Variants in ADAMTS7 observed in about 807,000 individuals in gnomAD.
ADAMTS7 encodes A disintegrin and metalloproteinase with thrombospondin motifs 7.
Under a neutral mutation model 172.6 loss-of-function variants are expected in ADAMTS7, and 89 were observed. The observed-to-expected ratio is 0.52, with a 90% CI of 0.43 to 0.61. The LOEUF is 0.61. Ranked by LOEUF, ADAMTS7 falls within the 20% of genes least tolerant of loss-of-function variation. The pLI, the probability that ADAMTS7 is intolerant of heterozygous loss-of-function variation, is 0.00. For synonymous variants in ADAMTS7, 885 were observed against 978.4 expected (o/e 0.90, Z 1.78); for missense variants, 1,973 against 2,355.6 (o/e 0.84, Z 3.36).
chr15:78,802,929 G>C (rs2141525692), intron 1 of ADAMTS7, among the ~76,000 whole-genome samples: 1 of 152,110 alleles, frequency 6.6e-6, no homozygotes, highest in South Asian at 2.1e-4. Flanking sequence ...CCTGGGAGGT[G>C]GAGGTTGTAG....
rs1199608907 is a variant in ADAMTS7 at position 78,766,540 on chromosome 15, ACCC to A, written c.3368_3370del (p.Gly1123del). On this transcript the variant is annotated inframe_deletion, in exon 19 of 24. Transcript: ENST00000388820. Reference sequence around the variant, plus strand: ...AGGGCTCGGGGACCAAGGTCCCAGTACCCCCTCCTCCTTGGCTGCAGGAGGCTC... The same window carrying A: ...AGGGCTCGGGGACCAAGGTCCCAGTACCTCCTCCTTGGCTGCAGGAGGCTC... 6.4e-7 allele frequency: 1 copy of A among 1,558,982 alleles called. No homozygotes were observed. The highest frequency in any genetic ancestry group is 8.7e-7 in the Non-Finnish European group (1 of 1,144,806).
At chr15:78,764,533 T>A (rs2055107817) in intron 20 of ADAMTS7, 22 bp downstream of exon 20, 1 of 1,535,186 alleles carries the variant, frequency 6.5e-7, no homozygotes, top group East Asian at 2.4e-5. Context: ...GGAATGCCTG[T>A]CCTGGCTCCA....
intron 1 of ADAMTS7, among the ~76,000 whole-genome samples, chr15:78,805,402 C>T (rs1596203086): frequency 6.6e-6 from 1 of 152,208 alleles, no homozygotes; most frequent in East Asian, 1.9e-4. Context: ...GTCTTATCAT[C>T]CATCCATGTC....
intron 23 of ADAMTS7, among the ~76,000 whole-genome samples, chr15:78,761,316 C>A (rs535158979): frequency 1.3e-5 from 2 of 152,330 alleles, no homozygotes; most frequent in East Asian, 1.9e-4. Flanking sequence ...GCTTGAGGGC[C>A]CTGGCTGAGG....
chr15:78,759,842 AC>A (rs1167887353), intron 23 of ADAMTS7, among the ~76,000 whole-genome samples: 1 of 151,070 alleles, frequency 6.6e-6, no homozygotes, highest in Admixed American at 6.6e-5. Context: ...CCCCACCCTG[AC>A]CCCCTCACAT....
chr15:78,764,439 CA>C, intron 20 of ADAMTS7, 115 bp downstream of exon 20: 1 of 1,324,070 alleles, frequency 7.6e-7, no homozygotes. Flanking sequence ...ATCGGGCACA[CA>C]GATGTGCAGC....
intron 4 of ADAMTS7, among the ~76,000 whole-genome samples, chr15:78,792,404 T>C (rs1040704239): frequency 6.6e-6 from 1 of 152,228 alleles, no homozygotes; most frequent in African/African-American, 2.4e-5. Flanking sequence ...CCCCATATTC[T>C]GCGGCCCCTC....
Position 78,765,880 on chromosome 15 carries a change from A to G in ADAMTS7, c.4031T>C (p.Leu1344Pro), listed in dbSNP as rs1451589352. Reference protein sequence around the residue: ...GTFLPTTLTGLGHMPEPALNP... With the variant: ...GTFLPTTLTGPGHMPEPALNP... ...CAGGGCAGGCTCAGGCATGTGCCCG[A>G]GGCCAGTCAGGGTTGTGGGGAGGAA... Residue 1344 changes from leucine to proline, a missense_variant, in exon 19 of 24, where the codon CTC becomes CCC. Coordinates refer to ENST00000388820, the MANE Select transcript of ADAMTS7 (RefSeq NM_014272.5). 1 of 1,571,486 alleles carries G rather than the reference A, an allele frequency of 6.4e-7. No individual in the cohort carries two copies. The highest frequency in any genetic ancestry group is 1.8e-5 in the Admixed American group (1 of 54,654).
At chr15:78,770,856 G>A in intron 16 of ADAMTS7, 5 of 377,330 alleles carry the variant, frequency 1.3e-5, no homozygotes, top group Non-Finnish European at 2.4e-5. Context: ...ATAAGTCAGT[G>A]TGGTGAGGGG....
chr15:78,777,698 A>G (rs2055371211), intron 8 of ADAMTS7, 110 bp from the exon 9 acceptor site: 4 of 1,336,428 alleles, frequency 3.0e-6, no homozygotes, highest in Non-Finnish European at 4.1e-6. Flanking sequence ...AGAGCCCTAC[A>G]ACTGTAGGAA....
At chr15:78,801,287 C>T (rs796257532) in intron 1 of ADAMTS7, among the ~76,000 whole-genome samples, 3 of 152,334 alleles carry the variant, frequency 2.0e-5, no homozygotes, top group African/African-American at 4.8e-5. Flanking sequence ...GGTGACCTCT[C>T]CAATCTCATG....
In ADAMTS7 at chr15:78,796,683, C is replaced by G. The variant is rs1217401248; in HGVS notation, c.726G>C (p.Lys242Asn). The change falls in exon 4 of 24, where the codon AAG becomes AAC. Residue 242 changes from lysine (K) to asparagine (N), a missense_variant. By Grantham distance (94) the Lys-to-Asn change is moderately conservative. This residue lies in a region of ADAMTS7 where 526 missense variants were observed against 662.9 expected (regional missense o/e 0.79). Transcript: ENST00000388820. ...RLHQRSVSKE[K>N]WVETLVVADA... ...CAGCTACTACCAGGGTCTCCACCCA[C>G]TTCTCTTTGCTGACCGACCGCTGGT... 3.1e-6 allele frequency: 5 copies of G among 1,614,066 alleles called. No homozygotes were observed. The highest frequency in any genetic ancestry group is 1.7e-4 in the Middle Eastern group (1 of 6,060).
In ADAMTS7 at chr15:78,766,825, C is replaced by T. The variant is rs549418248; in HGVS notation, c.3086G>A (p.Arg1029His). 2.5e-5 allele frequency: 41 copies of T among 1,609,802 alleles called. No homozygotes were observed. The East Asian group carries it at 6.2e-4, about 25-fold the overall frequency. Residue 1029 changes from arginine to histidine, a missense_variant, in exon 19 of 24, where the codon CGC (arginine) becomes CAC (histidine). Arg to His is a conservative substitution (Grantham distance 29, BLOSUM62 0). Transcript: ENST00000388820. ...ADFIPHHLAP[R>H]PSPASSPKPG... is the part of the protein sequence containing the mutation. ...CTTGGGTGATGAGGCGGGTGAAGGG[C>T]GTGGGGCCAGGTGGTGCGGGATGAA...
rs760239657 is a variant in ADAMTS7 at position 78,771,761 on chromosome 15, C to T, written c.2200G>A (p.Ala734Thr). 6.2e-7 allele frequency: 1 copy of T among 1,612,442 alleles called. No homozygotes were observed. Among genetic ancestry groups the T allele is most frequent in the Admixed American group, 1.7e-5 (1 of 60,034 alleles). Residue 734 changes from alanine to threonine, a missense_variant, in exon 15 of 24, where the codon GCC becomes ACC. Physicochemically the swap from Ala to Thr is moderately conservative, Grantham distance 58. Around this residue, in one of 8 missense-constraint regions of ADAMTS7, gnomAD observed 771 missense variants for 952.6 expected, o/e 0.81. Coordinates refer to ENST00000388820, the MANE Select transcript of ADAMTS7 (RefSeq NM_014272.5). This position sits in a 1 kb window ranked among gnomAD's most constrained non-coding sequence, Gnocchi z 4.9. ...TCGCTCCGCAGTGCCAGGAAGTTGG[C>T]AGCCTCGGCAACCTCTTGGATGCGG... The part of the protein sequence containing the change: ...EIRIQEVAEA[A>T]NFLALRSEDP...
chr15:78,798,816 T>C (rs986385610), intron 2 of ADAMTS7, among the ~76,000 whole-genome samples: 7 of 152,204 alleles, frequency 4.6e-5, no homozygotes, highest in African/African-American at 1.4e-4. Flanking sequence ...GAAGGTTTTA[T>C]GTCCCTCGGA....
intron 14 of ADAMTS7, 97 bp downstream of exon 14, chr15:78,772,986 T>C (rs992743258): frequency 2.1e-6 from 3 of 1,433,248 alleles, no homozygotes; most frequent in Admixed American, 4.2e-5. Flanking sequence ...CCAGGCTGGG[T>C]GGGGGCCACG....
chr15:78,765,699 G>A lies in ADAMTS7; in HGVS notation c.4212C>T (p.Pro1404=), dbSNP rs750577619. 40 of 1,608,972 alleles carry A rather than the reference G, an allele frequency of 2.5e-5. No homozygotes were observed. Among genetic ancestry groups the A allele is most frequent in the Non-Finnish European group, 3.1e-5 (36 of 1,178,600 alleles). Residue 1404 remains proline (P), a synonymous_variant, in exon 19 of 24, where the codon CCC becomes CCT. Transcript: ENST00000388820. ...CGTTCCTGACAACCAACGGGTCCGC[G>A]GGGGGCCCCGCTTCAGCCAGGCTGG... is the stretch of plus-strand genomic sequence containing the variant. ...LAPSLAEAGP[P]ADPLVVRNAG...
In ADAMTS7 at chr15:78,776,875, A is replaced by C. The variant is rs543370782; in HGVS notation, c.1468-34T>G. On this transcript the variant is annotated intron_variant, in intron 9 of 23. Transcript: ENST00000388820. ...AGGAGGGCATGGGCCATACCCTCAC[A>C]CCCTCCCCAGTGCCGCCACCCACCC... 99 of 1,505,078 alleles carry C rather than the reference A, an allele frequency of 6.6e-5. 1 individual carries two copies. In the East Asian group the frequency reaches 8.5e-4, roughly 13 times the overall value. The allele number at this position is 1,505,078 out of a possible 1,614,324, so 93.2% of individuals were successfully genotyped here.
rs769789257 is a variant in ADAMTS7, at chr15:78,766,421, T to C, written c.3490A>G (p.Ile1164Val). The change falls in exon 19 of 24, where the codon ATA (isoleucine) becomes GTA (valine). Residue 1164 changes from isoleucine (I) to valine (V), a missense_variant. This residue lies in a region of ADAMTS7 where 771 missense variants were observed against 952.6 expected (regional missense o/e 0.81). Transcript: ENST00000388820. Reference protein sequence around the residue: ...INFLPEEDTPIGAPDLGLPSL... With the variant: ...INFLPEEDTPVGAPDLGLPSL... Reference sequence around the variant, plus strand: ...GGGAGCCCAAGATCTGGGGCCCCTATGGGGGTGTCTTCCTCAGGCAGGAAA... The same window carrying C: ...GGGAGCCCAAGATCTGGGGCCCCTACGGGGGTGTCTTCCTCAGGCAGGAAA... 13 of 1,525,734 alleles carry C rather than the reference T, an allele frequency of 8.5e-6. No homozygotes were observed. Among genetic ancestry groups the C allele is most frequent in the Non-Finnish European group, 4.4e-6 (5 of 1,135,978 alleles). 94.5% of individuals were successfully genotyped at this position (1,525,734 alleles called of 1,614,324 possible).
Sources: gnomAD v4.1 joint callset for allele counts (sites outside exome capture counted in the v4.1 genomes callset) on GRCh38, gnomAD v4.1.1 for gene constraint, gnomAD v4.1.1 regional missense constraint, Gnocchi (gnomAD v3.1) non-coding constraint, MANE v1.5 for transcripts, NCBI Gene and HGNC (gene_info 2026-07-23, HGNC 2026-07-21) for gene names.